PDE10A: variants seen among roughly 807,000 people sequenced by gnomAD.
The protein encoded by PDE10A is cAMP and cAMP-inhibited cGMP 3',5'-cyclic phosphodiesterase 10A.
In PDE10A, 39 loss-of-function variants were observed where a neutral mutation model predicts 97.7. That is an observed-to-expected ratio of 0.40 (90% CI 0.31 to 0.52). The LOEUF is 0.52. Among genes scored for constraint, PDE10A ranks in the 20% least tolerant of loss-of-function variants. The pLI is 0.56. For missense variants in PDE10A, 731 were observed against 1,047.8 expected (o/e 0.70, Z 4.17); for synonymous variants, 371 against 376.8 (o/e 0.98, Z 0.18).
chr6:165,867,823 G>A (rs1004806532), intron 1 of PDE10A, among the ~76,000 whole-genome samples: 45 of 152,074 alleles, frequency 3.0e-4, no homozygotes, highest in African/African-American at 1.1e-3. Flanking sequence ...ATAATATTAA[G>A]TATCTTCTCA....
At chr6:165,591,052 T>C (rs1786233089) in intron 1 of PDE10A, among the ~76,000 whole-genome samples, 1 of 152,228 alleles carries the variant, frequency 6.6e-6, no homozygotes, top group Non-Finnish European at 1.5e-5. Flanking sequence ...CATTCTATTG[T>C]ATTAGTCATT....
chr6:165,808,137 A>G (rs1779187491), intron 1 of PDE10A, among the ~76,000 whole-genome samples: 1 of 151,650 alleles, frequency 6.6e-6, no homozygotes, highest in Non-Finnish European at 1.5e-5. Flanking sequence ...ACTGTTCCAG[A>G]CTCCCTTTCT....
At chr6:165,365,664 G>A (rs1253426996) in intron 18 of PDE10A, among the ~76,000 whole-genome samples, 3 of 152,172 alleles carry the variant, frequency 2.0e-5, no homozygotes, top group Non-Finnish European at 4.4e-5. Flanking sequence ...AGGCTGCAGT[G>A]AGCTGTGGTT....
In PDE10A at chr6:165,574,407, C is replaced by T. The variant is rs1785202198; in HGVS notation, c.866-30839G>A. ...TCTAACCAACGCAGGGGACAGAGTT[C>T]CACCCACTCAGGTGAGTGGAGCTCA... On this transcript the variant is annotated intron_variant, in intron 1 of 21. Coordinates refer to ENST00000539869, the MANE Select transcript of PDE10A (RefSeq NM_001385079.1). 2.0e-5 allele frequency among the ~76,000 whole-genome samples: 3 copies of T among 152,148 alleles called. No homozygotes were observed. In the South Asian group the frequency reaches 6.2e-4, roughly 32 times the overall value.
chr6:165,597,583 C>T (rs554499380), intron 1 of PDE10A, among the ~76,000 whole-genome samples: 1 of 152,134 alleles, frequency 6.6e-6, no homozygotes, highest in Middle Eastern at 3.2e-3. Context: ...AGGAAACACT[C>T]CCTCAAATAT....
At chr6:165,748,517 G>C (rs1792893816) in intron 1 of PDE10A, among the ~76,000 whole-genome samples, 1 of 152,196 alleles carries the variant, frequency 6.6e-6, no homozygotes, top group East Asian at 1.9e-4. Flanking sequence ...ACGTACTTCA[G>C]AATCCCTGGT....
At chr6:165,430,221 CA>C (rs1378253670) in intron 9 of PDE10A, 65 bp downstream of exon 9, 1 of 1,130,520 alleles carries the variant, frequency 8.8e-7, no homozygotes, top group African/African-American at 1.6e-5. Flanking sequence ...CTATTTCTGC[CA>C]CAGGCTGCCC....
intron 3 of PDE10A, among the ~76,000 whole-genome samples, chr6:165,481,346 C>T (rs1779596239): frequency 6.6e-6 from 1 of 152,164 alleles, no homozygotes; most frequent in Admixed American, 6.5e-5. Context: ...CTGAGACTCA[C>T]AGAGACCTCA....
intron 1 of PDE10A, among the ~76,000 whole-genome samples, chr6:165,938,334 T>A (rs549459108): frequency 1.3e-5 from 2 of 152,346 alleles, no homozygotes; most frequent in South Asian, 4.1e-4. Flanking sequence ...GTTGTGTAAA[T>A]ATGGTTGTCT....
intron 1 of PDE10A, among the ~76,000 whole-genome samples, chr6:165,941,021 C>T (rs167268): frequency 0.2 from 30,109 of 152,010 alleles, 3,869 homozygotes; most frequent in African/African-American, 0.36. Context: ...TGGTGTAGAG[C>T]GCAGTAGGGG....
intron 2 of PDE10A, among the ~76,000 whole-genome samples, chr6:165,488,754 T>C (rs548991947): frequency 1.3e-5 from 2 of 152,208 alleles, no homozygotes; most frequent in East Asian, 1.9e-4. Context: ...TTGCGGGGCA[T>C]GGTGGGTGTG....
chr6:165,336,882 G>A (rs1781688285), intron 20 of PDE10A, among the ~76,000 whole-genome samples: 1 of 151,652 alleles, frequency 6.6e-6, no homozygotes, highest in Admixed American at 6.6e-5. Flanking sequence ...CACCTTTAGT[G>A]CTTTCTTGCA....
chr6:165,456,378 C>T (rs891091314), intron 3 of PDE10A, among the ~76,000 whole-genome samples: 1 of 152,164 alleles, frequency 6.6e-6, no homozygotes, highest in African/African-American at 2.4e-5. Flanking sequence ...AAGAAAGAAG[C>T]ATTAGCCAGC....
intron 1 of PDE10A, among the ~76,000 whole-genome samples, chr6:165,898,558 C>G (rs372262655): frequency 5.0e-4 from 76 of 152,224 alleles, no homozygotes; most frequent in African/African-American, 1.6e-3. Flanking sequence ...AGCATGTGGT[C>G]AAATCCAATC....
intron 1 of PDE10A, among the ~76,000 whole-genome samples, chr6:165,914,515 G>A (rs1782552441): frequency 6.6e-6 from 1 of 152,182 alleles, no homozygotes; most frequent in South Asian, 2.1e-4. Flanking sequence ...CCGAAACAGA[G>A]ACACAACCAC....
At chr6:165,857,750 G>A (rs1780788853) in intron 1 of PDE10A, among the ~76,000 whole-genome samples, 1 of 150,894 alleles carries the variant, frequency 6.6e-6, no homozygotes, top group Non-Finnish European at 1.5e-5. Flanking sequence ...GAATGATTGT[G>A]CTCTTTGGGG....
In PDE10A at chr6:165,423,734, G is replaced by A. The variant is rs182237879; in HGVS notation, c.1653+4924C>T. Among the ~76,000 whole-genome samples the A allele has an allele frequency of 3.0e-3, 460 of 151,826 alleles. 2 individuals are homozygous for A. The highest frequency in any genetic ancestry group is 4.5e-3 in the Admixed American group (69 of 15,252). Reference sequence around the variant, plus strand: ...ACAAAAATTAAGCAGGTGTGGTGGCGCGTGCCTGTAGTCCCAGCTACTCGG... The same window carrying A: ...ACAAAAATTAAGCAGGTGTGGTGGCACGTGCCTGTAGTCCCAGCTACTCGG... On this transcript the variant is annotated intron_variant, in intron 10 of 21. Transcript: ENST00000539869.
chr6:165,560,911 T>C lies in PDE10A; in HGVS notation c.866-17343A>G, dbSNP rs1405994794. Among the ~76,000 whole-genome samples the C allele has an allele frequency of 2.0e-5, 3 of 151,942 alleles. No homozygotes were observed. In the South Asian group the frequency reaches 6.2e-4, roughly 32 times the overall value. On this transcript the variant is annotated intron_variant, in intron 1 of 21. Transcript: ENST00000539869. ...GTCTCGTGATAGAGTTCTCATGAGA[T>C]CTGGTTGTTTAAAAGTGTGTAGCAT...
chr6:165,545,153 C>T (rs1055707178), intron 1 of PDE10A: 3 of 495,688 alleles, frequency 6.1e-6, no homozygotes, highest in Non-Finnish European at 7.9e-6. Flanking sequence ...TTTCTTTCTG[C>T]CACTCCCATG....
Sources: allele counts gnomAD v4.1 joint callset (sites outside exome capture counted in the v4.1 genomes callset), GRCh38; gene constraint gnomAD v4.1.1; transcripts MANE v1.5; gene names NCBI Gene and HGNC (gene_info 2026-07-23, HGNC 2026-07-21).